GRAMD1B: variants seen among roughly 807,000 people sequenced by gnomAD.
GRAMD1B encodes protein Aster-B.
A neutral mutation model predicts 99.7 loss-of-function variants in GRAMD1B; 37 were observed. The observed-to-expected ratio is 0.37, with a 90% CI of 0.29 to 0.49. GRAMD1B has a LOEUF of 0.49. Ranked by LOEUF, GRAMD1B falls within the 20% of genes least tolerant of loss-of-function variation. The pLI is 0.98. For missense variants in GRAMD1B, 888 were observed against 1,009.2 expected (o/e 0.88, Z 1.63); for synonymous variants, 427 against 387.6 (o/e 1.10, Z -1.19).
upstream of GRAMD1B, chr11:123,430,204 C>T (rs1463681832): frequency 1.3e-5 from 2 of 152,480 alleles, no homozygotes; most frequent in African/African-American, 2.4e-5. Flanking sequence ...CCCCTCACCC[C>T]GCCCCCAGCC....
chr11:123,445,715 G>T (rs556624670), intron 1 of GRAMD1B, among the ~76,000 whole-genome samples: 1 of 151,246 alleles, frequency 6.6e-6, no homozygotes, highest in East Asian at 2.0e-4. Flanking sequence ...TACTCGGGAG[G>T]CTGAGGTGGA....
intron 1 of GRAMD1B, among the ~76,000 whole-genome samples, chr11:123,439,262 G>C (rs758996657): frequency 6.6e-6 from 1 of 152,116 alleles, no homozygotes; most frequent in Non-Finnish European, 1.5e-5. Context: ...ACAGAAAATC[G>C]AATGTGGGTT....
chr11:123,586,504 C>T (rs1171057018), intron 4 of GRAMD1B, among the ~76,000 whole-genome samples: 2 of 152,182 alleles, frequency 1.3e-5, no homozygotes, highest in Non-Finnish European at 2.9e-5. Context: ...GTGTGTGGGG[C>T]GGTCCTCTCC....
At chr11:123,488,631 C>T (rs1433590888) in intron 2 of GRAMD1B, among the ~76,000 whole-genome samples, 1 of 152,046 alleles carries the variant, frequency 6.6e-6, no homozygotes, top group Non-Finnish European at 1.5e-5. Context: ...CGGATCTTCT[C>T]CCCTCGCCAC....
intron 1 of GRAMD1B, among the ~76,000 whole-genome samples, chr11:123,462,890 T>TAAAAAAAAAA (rs55643501): frequency 1.1e-4 from 14 of 123,062 alleles, no homozygotes; most frequent in South Asian, 2.6e-4. Flanking sequence ...AAAAAATAAA[T>TAAAAAAAAAA]TAAAAAAAAA....
In GRAMD1B at chr11:123,388,253, A is replaced by G. The variant is rs549556219; in HGVS notation, c.-176+29454A>G. 8.6e-4 allele frequency among the ~76,000 whole-genome samples: 131 copies of G among 152,276 alleles called. 1 individual carries two copies. The highest frequency in any genetic ancestry group is 6.8e-3 in the Middle Eastern group (2 of 294). On this transcript the variant is annotated intron_variant, in intron 1 of 20. Transcript: ENST00000638157. ...ATGATTTAAATGTTGGTATCCCCCA[A>G]TATGAACCCCAAAATTCATATTGAA...
chr11:123,551,244 T>C (rs888739862), intron 2 of GRAMD1B, among the ~76,000 whole-genome samples: 1 of 152,194 alleles, frequency 6.6e-6, no homozygotes, highest in African/African-American at 2.4e-5. Flanking sequence ...GAGGGGCGTT[T>C]TTTTGGGCGA....
chr11:123,450,940 C>G (rs927641618), intron 1 of GRAMD1B, among the ~76,000 whole-genome samples: 1 of 152,066 alleles, frequency 6.6e-6, no homozygotes. Context: ...GTAATGAAAG[C>G]CTGGAAAACA....
intron 3 of GRAMD1B, among the ~76,000 whole-genome samples, chr11:123,581,829 G>T (rs925898674): frequency 6.6e-6 from 1 of 152,220 alleles, no homozygotes; most frequent in African/African-American, 2.4e-5. Context: ...CTCACACTTT[G>T]TTCCACATAG....
At chr11:123,540,053 T>G (rs1381982283) in intron 2 of GRAMD1B, among the ~76,000 whole-genome samples, 1 of 151,722 alleles carries the variant, frequency 6.6e-6, no homozygotes, top group African/African-American at 2.4e-5. Context: ...GAGTAAAGAG[T>G]TATCTCAATT....
intron 3 of GRAMD1B, among the ~76,000 whole-genome samples, chr11:123,578,778 C>A (rs1467745669): frequency 6.6e-6 from 1 of 152,172 alleles, no homozygotes; most frequent in Non-Finnish European, 1.5e-5. Flanking sequence ...TCCTTTGGGG[C>A]AGGAGACCCC....
intron 8 of GRAMD1B, among the ~76,000 whole-genome samples, chr11:123,602,661 TC>T (rs778575125): frequency 2.0e-5 from 3 of 152,192 alleles, no homozygotes; most frequent in Admixed American, 6.5e-5. Flanking sequence ...TTCTTTGACA[TC>T]CCTTTGCCTC....
At chr11:123,363,546 TC>T (rs1390814773) in intron 1 of GRAMD1B, among the ~76,000 whole-genome samples, 1 of 152,080 alleles carries the variant, frequency 6.6e-6, no homozygotes, top group African/African-American at 2.4e-5. Context: ...GCTTAGCATT[TC>T]CCCTCTCATA....
intron 1 of GRAMD1B, among the ~76,000 whole-genome samples, chr11:123,391,973 A>G (rs952720925): frequency 1.3e-5 from 2 of 152,190 alleles, no homozygotes; most frequent in African/African-American, 4.8e-5. Context: ...CAGAGGGTAG[A>G]GAGGTTATTA....
At chr11:123,504,784 C>A (rs11219175) in intron 2 of GRAMD1B, among the ~76,000 whole-genome samples, 5 of 152,060 alleles carry the variant, frequency 3.3e-5, no homozygotes, top group Admixed American at 6.6e-5. Context: ...CAGGTTCAAG[C>A]GATTCTCATA....
At chr11:123,396,070 G>T (rs973143195) in intron 1 of GRAMD1B, among the ~76,000 whole-genome samples, 7 of 152,044 alleles carry the variant, frequency 4.6e-5, no homozygotes, top group African/African-American at 1.7e-4. Context: ...CCCAGCTGTG[G>T]TACAGAGGAA....
chr11:123,445,006 A>G (rs947720212), intron 1 of GRAMD1B, among the ~76,000 whole-genome samples: 39 of 152,266 alleles, frequency 2.6e-4, no homozygotes, highest in African/African-American at 8.4e-4. Flanking sequence ...GGCTCATTAC[A>G]AATAACAAGA....
chr11:123,617,862 C>CTCATT (rs1954639958), intron 17 of GRAMD1B, among the ~76,000 whole-genome samples: 1 of 152,024 alleles, frequency 6.6e-6, no homozygotes, highest in African/African-American at 2.4e-5. Flanking sequence ...TCTATGACTC[C>CTCATT]CCACAGCCCC....
intron 6 of GRAMD1B, 43 bp downstream of exon 6, chr11:123,594,881 T>C: frequency 9.9e-7 from 1 of 1,010,602 alleles, no homozygotes; most frequent in Non-Finnish European, 1.6e-6. Flanking sequence ...TCCTTGGCTA[T>C]GGCTGAGCAA....
Sources: gnomAD v4.1 joint callset for allele counts (sites outside exome capture counted in the v4.1 genomes callset) on GRCh38, gnomAD v4.1.1 for gene constraint, MANE v1.5 for transcripts, NCBI Gene and HGNC (gene_info 2026-07-23, HGNC 2026-07-21) for gene names.